EIF2AK4: variants seen among roughly 807,000 people sequenced by gnomAD.
EIF2AK4 encodes the protein eIF-2-alpha kinase GCN2.
EIF2AK4 carries 139 observed loss-of-function variants against 211.1 expected under a neutral mutation model. That is an observed-to-expected ratio of 0.66 (90% CI 0.57 to 0.76). The LOEUF is 0.76. Ranked by LOEUF, EIF2AK4 falls within the 30% of genes least tolerant of loss-of-function variation. The pLI, the probability that EIF2AK4 is intolerant of heterozygous loss-of-function variation, is 0.00. For missense variants in EIF2AK4, 1,664 were observed against 2,043.8 expected (o/e 0.81, Z 3.58); for synonymous variants, 710 against 751.3 (o/e 0.94, Z 0.90).
rs1336574916 is a variant in EIF2AK4, at chr15:39,939,563, A to C, written c.203A>C (p.Glu68Ala). 1.2e-6 allele frequency: 2 copies of C among 1,613,098 alleles called. No homozygotes were observed. The highest frequency in any genetic ancestry group is 2.7e-5 in the African/African-American group (2 of 74,916). The change falls in exon 2 of 39, where the codon GAA (glutamate) becomes GCA (alanine). Residue 68 changes from glutamate to alanine, a missense_variant. Coordinates refer to ENST00000263791, the MANE Select transcript of EIF2AK4 (RefSeq NM_001013703.4). ...VLYPQGLTGE[E>A]VYVKVDLRVK... ...TACCCTCAAGGCCTAACTGGTGAAG[A>C]AGTATATGTAAAAGTGGATTTGAGG...
chr15:39,937,851 G>C (rs1398363190), intron 1 of EIF2AK4, among the ~76,000 whole-genome samples: 1 of 152,102 alleles, frequency 6.6e-6, no homozygotes, highest in Non-Finnish European at 1.5e-5. Context: ...CCACTCATTT[G>C]AAATGCCATT....
intron 9 of EIF2AK4, among the ~76,000 whole-genome samples, chr15:39,968,508 G>A (rs1390096988): frequency 6.6e-6 from 1 of 152,132 alleles, no homozygotes. Context: ...TCCTGCCTCT[G>A]TTTTCAGTCC....
chr15:39,962,384 C>T (rs1473961495), intron 7 of EIF2AK4, among the ~76,000 whole-genome samples: 1 of 152,186 alleles, frequency 6.6e-6, no homozygotes, highest in Non-Finnish European at 1.5e-5. Context: ...AAAATATTAT[C>T]AGTCAGTAGA....
chr15:40,022,200 G>GTGTGTGTA (rs1014724560), intron 31 of EIF2AK4: 4 of 218,408 alleles, frequency 1.8e-5, no homozygotes, highest in African/African-American at 9.8e-5. Flanking sequence ...GTGTGTGTGT[G>GTGTGTGTA]TGTGTGTGTG....
At position 39,988,068 on chromosome 15, in the gene EIF2AK4, G is replaced by A. The variant is rs765833659; in HGVS notation, c.2489G>A (p.Arg830Gln). ...RDTVRLWRLF[R>Q]EILDGLAYIH... Reference sequence around the variant, plus strand: ...ACCGTCAGACTCTGGAGGCTTTTTCGAGAGATTCTGGATGGATTAGCTTAT... The same window carrying A: ...ACCGTCAGACTCTGGAGGCTTTTTCAAGAGATTCTGGATGGATTAGCTTAT... Residue 830 changes from arginine (R) to glutamine (Q), a missense_variant, in exon 15 of 39, where the codon CGA becomes CAA. By Grantham distance (43) the Arg-to-Gln change is conservative. Transcript: ENST00000263791. The A allele has an allele frequency of 2.4e-5, 39 of 1,614,006 alleles. No homozygotes were observed. The highest frequency in any genetic ancestry group is 3.2e-5 in the Non-Finnish European group (38 of 1,180,018).
intron 1 of EIF2AK4, among the ~76,000 whole-genome samples, chr15:39,935,263 TGAA>T (rs1424953035): frequency 2.0e-5 from 3 of 152,312 alleles, no homozygotes; most frequent in Non-Finnish European, 1.5e-5. Context: ...TCCCCATCCT[TGAA>T]GAGTTGATCT....
chr15:39,965,185 G>A lies in EIF2AK4; in HGVS notation c.860-501G>A, dbSNP rs187194428. Among the ~76,000 whole-genome samples, 6 of 152,234 alleles carry A rather than the reference G, an allele frequency of 3.9e-5. No homozygotes were observed. The East Asian group carries it at 5.8e-4, about 15-fold the overall frequency. On this transcript the variant is annotated intron_variant, in intron 7 of 38. Transcript: ENST00000263791. ...CGCCCAGGCTGGAGTGCAATGGTGC[G>A]TTGTAGGCTCACTGCAACCTCCGCC...
Position 39,973,626 on chromosome 15 carries a change from T to C in EIF2AK4, c.1695T>C (p.Ile565=). The change falls in exon 11 of 39, where the codon ATT becomes ATC. Residue 565 remains isoleucine, a synonymous_variant. Transcript: ENST00000263791. ...GACAAGATTATGTTGAGACTGTTAT[T>C]CCTAGCAACCGGCTACCCAGTGCTG... is the stretch of plus-strand genomic sequence containing the variant. ...SEGQDYVETV[I]PSNRLPSAAF... 6.2e-7 allele frequency: 1 copy of C among 1,614,080 alleles called. No individual in the cohort carries two copies. Among genetic ancestry groups the C allele is most frequent in the East Asian group, 2.2e-5 (1 of 44,878 alleles).
chr15:40,011,409 C>A, intron 27 of EIF2AK4, 63 bp downstream of exon 27: 7 of 1,438,434 alleles, frequency 4.9e-6, no homozygotes, highest in Non-Finnish European at 6.7e-6. Context: ...CAGAAAATGT[C>A]ATCAAATTCT....
chr15:39,976,645 G>A lies in EIF2AK4; in HGVS notation c.2050G>A (p.Gly684Arg), dbSNP rs1438138444. ...GGCCAAGGATGACCGAGCTGCACGC[G>A]GGCAGCCGGCGAGCGACACAGACGG... ...PLAKDDRAAR[G>R]QPASDTDGLD... Residue 684 changes from glycine to arginine, a missense_variant, in exon 12 of 39, where the codon GGG (glycine) becomes AGG (arginine). Gly to Arg is a moderately radical substitution (Grantham distance 125). This residue lies in a region of EIF2AK4 where 206 missense variants were observed against 201.9 expected (regional missense o/e 1.02). Coordinates refer to ENST00000263791, the MANE Select transcript of EIF2AK4 (RefSeq NM_001013703.4). The A allele has an allele frequency of 1.2e-6, 2 of 1,604,264 alleles. No homozygotes were observed. The highest frequency in any genetic ancestry group is 1.3e-5 in the African/African-American group (1 of 74,698).
In EIF2AK4 at chr15:40,019,118, C is replaced by T. The variant is rs746223232; in HGVS notation, c.4091C>T (p.Ala1364Val). 2 of 1,607,734 alleles carry T rather than the reference C, an allele frequency of 1.2e-6. No homozygotes were observed. The highest frequency in any genetic ancestry group is 3.3e-4 in the Middle Eastern group (2 of 6,046). ...LLIPQFRGPQ[A>V]LGPVPTAIGV... ...ATTCCCCAGTTTAGAGGGCCACAAG[C>T]TCTGGGGCCAGTTCCCACTGCCATT... is the stretch of plus-strand genomic sequence containing the variant. The change falls in exon 30 of 39, where the codon GCT (alanine) becomes GTT (valine). Residue 1364 changes from alanine (A) to valine (V), a missense_variant. Physicochemically the swap from Ala to Val is moderately conservative, Grantham distance 64. Around this residue, in one of 7 missense-constraint regions of EIF2AK4, gnomAD observed 622 missense variants for 796.8 expected, o/e 0.78. Transcript: ENST00000263791.
At chr15:39,982,628 T>C (rs1044049534) in intron 13 of EIF2AK4, among the ~76,000 whole-genome samples, 11 of 86,242 alleles carry the variant, frequency 1.3e-4, no homozygotes, top group Admixed American at 3.6e-4. Flanking sequence ...ACATGTGCCA[T>C]GGTGGTTGCT....
intron 7 of EIF2AK4, among the ~76,000 whole-genome samples, chr15:39,962,549 C>T (rs2034487838): frequency 6.6e-6 from 1 of 152,154 alleles, no homozygotes; most frequent in Non-Finnish European, 1.5e-5. Flanking sequence ...ACCTCAAACT[C>T]CTGGGCTCAC....
intron 7 of EIF2AK4, among the ~76,000 whole-genome samples, chr15:39,962,232 G>A (rs565620393): frequency 4.6e-5 from 7 of 152,290 alleles, no homozygotes; most frequent in African/African-American, 1.7e-4. Flanking sequence ...GCACTCCAGT[G>A]TGAGTGACAG....
chr15:40,014,757 C>T (rs2035282524), intron 27 of EIF2AK4, among the ~76,000 whole-genome samples: 1 of 152,204 alleles, frequency 6.6e-6, no homozygotes. Flanking sequence ...AATTTTTCCT[C>T]AGAGAATGGG....
intron 13 of EIF2AK4, among the ~76,000 whole-genome samples, chr15:39,983,115 T>C (rs149161405): frequency 0.012 from 1,894 of 152,324 alleles, 37 homozygotes; most frequent in African/African-American, 0.036. Context: ...CTTGAGGAAT[T>C]GCCACACTGT....
chr15:39,984,137 G>A (rs1044920468), intron 13 of EIF2AK4, among the ~76,000 whole-genome samples: 10 of 152,154 alleles, frequency 6.6e-5, no homozygotes, highest in Admixed American at 5.9e-4. Context: ...GTTTTTGTCA[G>A]GTTTGTCAAA....
At chr15:39,984,373 T>C (rs989547091) in intron 13 of EIF2AK4, among the ~76,000 whole-genome samples, 2 of 151,824 alleles carry the variant, frequency 1.3e-5, no homozygotes, top group Admixed American at 1.3e-4. Flanking sequence ...AAGTAGCTTT[T>C]CCTAATTCTG....
chr15:40,022,220 T>TGTGTGTG (rs1228991053), intron 31 of EIF2AK4: 1 of 118,794 alleles, frequency 8.4e-6, no homozygotes, highest in African/African-American at 6.3e-5. Flanking sequence ...GTGTGTATGT[T>TGTGTGTG]GTGTTGTATA....
Sources: allele counts gnomAD v4.1 joint callset (sites outside exome capture counted in the v4.1 genomes callset), GRCh38; gene constraint gnomAD v4.1.1; regional missense constraint gnomAD v4.1.1; transcripts MANE v1.5; gene names NCBI Gene and HGNC (gene_info 2026-07-23, HGNC 2026-07-21).